Variants in AMOT observed in about 807,000 individuals in gnomAD.
AMOT encodes angiomotin.
In AMOT, 11 loss-of-function variants were observed where a neutral mutation model predicts 67.0. That is an observed-to-expected ratio of 0.16 (90% CI 0.10 to 0.27). AMOT has a LOEUF of 0.27. Among genes scored for constraint, AMOT ranks in the 10% least tolerant of loss-of-function variants. The pLI, the probability that AMOT is intolerant of heterozygous loss-of-function variation, is 1.00. For missense variants in AMOT, 753 were observed against 852.0 expected (o/e 0.88, Z 1.45); for synonymous variants, 326 against 321.4 (o/e 1.01, Z -0.15).
At chrX:112,804,644 A>G (rs1934112975) in intron 8 of AMOT, among the ~76,000 whole-genome samples, 1 of 112,089 alleles carries the variant, frequency 8.9e-6, no homozygotes, top group African/African-American at 3.2e-5. Context: ...GGCTTATGGT[A>G]CGGCTAGGTA....
chrX:112,829,936 T>G (rs1337086202), intron 2 of AMOT, among the ~76,000 whole-genome samples: 1 of 111,245 alleles, frequency 9.0e-6, no homozygotes, highest in Non-Finnish European at 1.9e-5. Context: ...CTTTATTATC[T>G]CGAGAAAAGT....
chrX:112,778,505 T>G lies in AMOT; in HGVS notation c.*62A>C. On this transcript the variant is annotated 3_prime_UTR_variant, in exon 14 of 14. Coordinates refer to ENST00000371959, the MANE Select transcript of AMOT (RefSeq NM_001113490.2). ...TCCTCACCCTCAAAACAAGAACCAA[T>G]AAAAGGGGGAAAATGATTAAAAGCA... is the stretch of plus-strand genomic sequence containing the variant. The G allele has an allele frequency of 9.4e-7, 1 of 1,062,923 alleles. No homozygotes were observed. Among genetic ancestry groups the G allele is most frequent in the Non-Finnish European group, 1.3e-6 (1 of 774,474 alleles). The allele number at this position is 1,062,923 out of a possible 1,213,427, so 87.6% of individuals were successfully genotyped here. A position where few individuals can be genotyped will look rare whatever the true frequency, so the allele number is the denominator to read the frequency against.
chrX:112,788,160 A>G (rs745342116), intron 10 of AMOT, among the ~76,000 whole-genome samples: 29 of 110,090 alleles, frequency 2.6e-4, no homozygotes, highest in South Asian at 8.0e-4. Context: ...GTGGTGGCAC[A>G]CGCCTATAGT....
At chrX:112,790,175 C>A (rs2147786216) in intron 10 of AMOT, among the ~76,000 whole-genome samples, 1 of 107,170 alleles carries the variant, frequency 9.3e-6, no homozygotes, top group South Asian at 4.7e-4. Flanking sequence ...CAAGCCAGAG[C>A]TATCAAATGA....
At chrX:112,789,531 AT>A (rs2034399870) in intron 10 of AMOT, among the ~76,000 whole-genome samples, 1 of 110,714 alleles carries the variant, frequency 9.0e-6, no homozygotes, top group South Asian at 3.8e-4. Context: ...AAGTGGGCTT[AT>A]AAAGCACCGG....
intron 11 of AMOT, among the ~76,000 whole-genome samples, chrX:112,782,306 A>C (rs1933210883): frequency 8.9e-6 from 1 of 112,290 alleles, no homozygotes; most frequent in African/African-American, 3.2e-5. Flanking sequence ...GGCAGAGGGA[A>C]GAGGAAAAGC....
Position 112,779,131 on chromosome X carries a change from G to A in AMOT, c.3023C>T (p.Pro1008Leu), listed in dbSNP as rs764543196. ...TGGAGCTGGAGTTGGAGCCACAGCC[G>A]GAGCTGAAGTTGGTGCCTGAGTCTG... is the stretch of plus-strand genomic sequence containing the variant. ...PAQTQAPTSA[P>L]AVAPTPAPTP... Residue 1008 changes from proline to leucine, a missense_variant, in exon 13 of 14, where the codon CCG (proline) becomes CTG (leucine). Around this residue, in one of 5 missense-constraint regions of AMOT, gnomAD observed 269 missense variants for 300.9 expected, o/e 0.89. Coordinates refer to ENST00000371959, the MANE Select transcript of AMOT (RefSeq NM_001113490.2). 10 of 1,089,366 alleles carry A rather than the reference G, an allele frequency of 9.2e-6. No homozygotes were observed. The highest frequency in any genetic ancestry group is 3.7e-5 in the African/African-American group (2 of 54,750). 89.8% of individuals were successfully genotyped at this position (1,089,366 alleles called of 1,213,427 possible).
intron 10 of AMOT, among the ~76,000 whole-genome samples, chrX:112,785,339 A>G (rs1933330971): frequency 8.9e-6 from 1 of 111,940 alleles, no homozygotes; most frequent in African/African-American, 3.3e-5. Context: ...CATGTCACCA[A>G]TAAACTCCTA....
chrX:112,833,480 G>T (rs1283560607), intron 1 of AMOT, among the ~76,000 whole-genome samples: 3 of 53,570 alleles, frequency 5.6e-5, no homozygotes, highest in East Asian at 4.5e-4. Flanking sequence ...GGGAGTAAAG[G>T]GGGGGGGGGG....
At chrX:112,806,194 G>A in intron 7 of AMOT, among the ~76,000 whole-genome samples, 1 of 108,566 alleles carries the variant, frequency 9.2e-6, no homozygotes, top group Non-Finnish European at 1.9e-5. Flanking sequence ...CTGAACCCGG[G>A]AGGCAGAGGT....
At position 112,779,321 on chromosome X, in the gene AMOT, C is replaced by T. The variant is rs769966444; in HGVS notation, c.2833G>A (p.Gly945Ser). 5 of 766,247 alleles carry T rather than the reference C, an allele frequency of 6.5e-6. No individual in the cohort carries two copies. In the East Asian group the frequency reaches 1.4e-4, roughly 21 times the overall value. 63.1% of individuals were successfully genotyped at this position (766,247 alleles called of 1,213,427 possible). Reference sequence around the variant, plus strand: ...ACAGAGGCAGCAGCTGGAATCTGACCAGCAGCAGCTGGAGAAACAGCAGCA... The same window carrying T: ...ACAGAGGCAGCAGCTGGAATCTGACTAGCAGCAGCTGGAGAAACAGCAGCA... ...TAAAVSPAAA[G>S]QIPAAASVAS... Residue 945 changes from glycine to serine, a missense_variant, in exon 13 of 14, where the codon GGT (glycine) becomes AGT (serine). By Grantham distance (56) the Gly-to-Ser change is moderately conservative (BLOSUM62 0). This residue lies in a region of AMOT where 269 missense variants were observed against 300.9 expected (regional missense o/e 0.89). Transcript: ENST00000371959.
At chrX:112,825,321 G>A (rs1934817430) in intron 2 of AMOT, 101 bp from the exon 3 acceptor site, 1 of 111,753 alleles carries the variant, frequency 8.9e-6, no homozygotes, top group African/African-American at 3.3e-5. Flanking sequence ...CCAAGAGAAT[G>A]ACTTGTCCTC....
In AMOT at chrX:112,779,686, A is replaced by T; in HGVS notation, c.2474-6T>A. On this transcript the variant is annotated splice_polypyrimidine_tract_variant and splice_region_variant and intron_variant, in intron 12 of 13. Coordinates refer to ENST00000371959, the MANE Select transcript of AMOT (RefSeq NM_001113490.2). ...GTCTCCACCCAGGAGAATGCCTACA[A>T]ATGAAAGAGGAACAGATGTTAGAAA... 1 of 1,172,111 alleles carries T rather than the reference A, an allele frequency of 8.5e-7. No individual in the cohort carries two copies. The highest frequency in any genetic ancestry group is 1.2e-6 in the Non-Finnish European group (1 of 867,375).
In AMOT at chrX:112,815,888, T is replaced by A; in HGVS notation, c.873-11A>T. 1.7e-6 allele frequency: 2 copies of A among 1,159,600 alleles called. No homozygotes were observed. The highest frequency in any genetic ancestry group is 3.6e-5 in the African/African-American group (2 of 55,920). On this transcript the variant is annotated splice_polypyrimidine_tract_variant and intron_variant, in intron 4 of 13. Coordinates refer to ENST00000371959, the MANE Select transcript of AMOT (RefSeq NM_001113490.2). ...ATGTCCTGCGCTGGCCTGTAAAACATGAAGGGCAGGTGCGGGTTAATTTCT... is the reference window on the plus strand; with the variant it reads ...ATGTCCTGCGCTGGCCTGTAAAACAAGAAGGGCAGGTGCGGGTTAATTTCT...
At chrX:112,802,623 T>C (rs1343463490) in intron 8 of AMOT, among the ~76,000 whole-genome samples, 1 of 112,621 alleles carries the variant, frequency 8.9e-6, no homozygotes, top group East Asian at 2.8e-4. Context: ...TTAGACTCCA[T>C]GTGAAAGCAC....
At chrX:112,825,465 G>A (rs1934820201) in intron 2 of AMOT, among the ~76,000 whole-genome samples, 1 of 111,614 alleles carries the variant, frequency 9.0e-6, no homozygotes, top group Admixed American at 9.5e-5. Flanking sequence ...TCTGAGACTT[G>A]CTCTGTTCTG....
intron 4 of AMOT, among the ~76,000 whole-genome samples, chrX:112,818,516 T>C (rs1934628402): frequency 9.0e-6 from 1 of 111,703 alleles, no homozygotes; most frequent in African/African-American, 3.3e-5. Flanking sequence ...AGCCCGTCAC[T>C]GGCTGGTTTG....
intron 1 of AMOT, among the ~76,000 whole-genome samples, chrX:112,834,388 G>A (rs1222920599): frequency 9.0e-6 from 1 of 111,565 alleles, no homozygotes; most frequent in Non-Finnish European, 1.9e-5. Flanking sequence ...TTGCTATGGG[G>A]TATATATAAG....
rs766617725 is a variant in AMOT at position 112,779,332 on chromosome X, G to A, written c.2822C>T (p.Pro941Leu). 2.5e-6 allele frequency: 2 copies of A among 808,954 alleles called. No homozygotes were observed. The highest frequency in any genetic ancestry group is 3.4e-5 in the East Asian group (1 of 29,258). The allele number at this position is 808,954 out of a possible 1,213,427, so 66.7% of individuals were successfully genotyped here. A position where few individuals can be genotyped will look rare whatever the true frequency, so the allele number is the denominator to read the frequency against. ...TAAATAAAVS[P>L]AAAGQIPAAA... ...AGCTGGAATCTGACCAGCAGCAGCTGGAGAAACAGCAGCAGCAGTAGCAGC... is the reference window on the plus strand; with the variant it reads ...AGCTGGAATCTGACCAGCAGCAGCTAGAGAAACAGCAGCAGCAGTAGCAGC... The change falls in exon 13 of 14, where the codon CCA becomes CTA. Residue 941 changes from proline (P) to leucine (L), a missense_variant. Physicochemically the swap from Pro to Leu is moderately conservative, Grantham distance 98. Transcript: ENST00000371959.
Sources: allele counts gnomAD v4.1 joint callset (sites outside exome capture counted in the v4.1 genomes callset), GRCh38; gene constraint gnomAD v4.1.1; regional missense constraint gnomAD v4.1.1; transcripts MANE v1.5; gene names NCBI Gene and HGNC (gene_info 2026-07-23, HGNC 2026-07-21).